The following ETV5 variants were observed in gnomAD, a reference collection of about 807,000 sequenced individuals.
ETV5 encodes ETS variant transcription factor 5.
ETV5 carries 10 observed loss-of-function variants against 70.0 expected under a neutral mutation model. That is an observed-to-expected ratio of 0.14 (90% CI 0.09 to 0.24). The LOEUF is 0.24. Among genes scored for constraint, ETV5 ranks in the 10% least tolerant of loss-of-function variants. The pLI, the probability that ETV5 is intolerant of heterozygous loss-of-function variation, is 1.00. For missense variants in ETV5, 453 were observed against 651.2 expected (o/e 0.70, Z 3.31); for synonymous variants, 216 against 242.2 (o/e 0.89, Z 1.01).
At position 186,047,779 on chromosome 3, in the gene ETV5, A is replaced by C. The variant is rs146951055; in HGVS notation, c.*860T>G. ...AAGGACACAGTGCACAGTTACCAAA[A>C]GGTTTGTTTTTGTTTTTTGTTTTTC... On this transcript the variant is annotated 3_prime_UTR_variant, in exon 13 of 13. Transcript: ENST00000306376. 1.5e-3 allele frequency: 296 copies of C among 200,000 alleles called. No homozygotes were observed. The highest frequency in any genetic ancestry group is 7.7e-3 in the African/African-American group (276 of 35,740). 12.4% of individuals were successfully genotyped at this position (200,000 alleles called of 1,614,324 possible).
At chr3:186,080,326 A>G (rs1713902771) in intron 6 of ETV5, among the ~76,000 whole-genome samples, 1 of 151,078 alleles carries the variant, frequency 6.6e-6, no homozygotes, top group Non-Finnish European at 1.5e-5. Flanking sequence ...ATTTTTCTCA[A>G]GGATAATTTT....
Position 186,071,742 on chromosome 3 carries a change from G to A in ETV5, c.651-5670C>T, listed in dbSNP as rs184797151. On this transcript the variant is annotated intron_variant, in intron 7 of 12. Transcript: ENST00000306376. ...GCTCGAGGCGGGCAGATCACCTTGTGAGTTCCTTACATGAGGTCGGGAGTT... is the reference window on the plus strand; with the variant it reads ...GCTCGAGGCGGGCAGATCACCTTGTAAGTTCCTTACATGAGGTCGGGAGTT... 4.6e-3 allele frequency among the ~76,000 whole-genome samples: 695 copies of A among 151,944 alleles called. 7 individuals are homozygous for A. Among genetic ancestry groups the A allele is most frequent in the African/African-American group, 0.015 (626 of 41,516 alleles).
chr3:186,066,014 C>T lies in ETV5; in HGVS notation c.709G>A (p.Gly237Arg), dbSNP rs1713434586. 6.2e-7 allele frequency: 1 copy of T among 1,610,498 alleles called. No homozygotes were observed. Among genetic ancestry groups the T allele is most frequent in the African/African-American group, 1.3e-5 (1 of 74,706 alleles). ...HPFPPQPGVP[G>R]DNRPSYHRQM... is the part of the protein sequence containing the mutation. ...CGATGGTAACTGGGGCGATTATCTC[C>T]AGGAACTCCTGGCTGAGGAGGGAAG... Residue 237 changes from glycine to arginine, a missense_variant, in exon 8 of 13, where the codon GGA becomes AGA. By Grantham distance (125) the Gly-to-Arg change is moderately radical (BLOSUM62 -2). Transcript: ENST00000306376.
Position 186,048,459 on chromosome 3 carries a change from C to T in ETV5, c.*180G>A. 2 of 609,844 alleles carry T rather than the reference C, an allele frequency of 3.3e-6. No homozygotes were observed. Among genetic ancestry groups the T allele is most frequent in the East Asian group, 2.8e-5 (1 of 35,700 alleles). 37.8% of individuals were successfully genotyped at this position (609,844 alleles called of 1,614,324 possible). ...GTGGTTTTCTGCCCCTCCCTGTTCC[C>T]ACTCCCCAGCCAATGTATCTGTCTT... On this transcript the variant is annotated 3_prime_UTR_variant, in exon 13 of 13. Coordinates refer to ENST00000306376, the MANE Select transcript of ETV5 (RefSeq NM_004454.3).
intron 5 of ETV5, among the ~76,000 whole-genome samples, chr3:186,081,714 T>C (rs1713938428): frequency 6.6e-6 from 1 of 152,210 alleles, no homozygotes; most frequent in Non-Finnish European, 1.5e-5. Context: ...CAGCAAGAAA[T>C]ACTCAACTTT....
chr3:186,047,790 TGTTTTTTGTTTTTC>T lies in ETV5; in HGVS notation c.*835_*848del, dbSNP rs1258928350. 6.8e-5 allele frequency: 11 copies of T among 161,052 alleles called. No homozygotes were observed. The highest frequency in any genetic ancestry group is 3.7e-4 in the African/African-American group (10 of 26,732). The allele number at this position is 161,052 out of a possible 1,614,324, so 10.0% of individuals were successfully genotyped here. A position where few individuals can be genotyped will look rare whatever the true frequency, so the allele number is the denominator to read the frequency against. ...GCACAGTTACCAAAAGGTTTGTTTT[TGTTTTTTGTTTTTC>T]GTTTTTTTGCTTTAAATACCAAAAC... is the stretch of plus-strand genomic sequence containing the variant. On this transcript the variant is annotated 3_prime_UTR_variant, in exon 13 of 13. Transcript: ENST00000306376.
intron 11 of ETV5, among the ~76,000 whole-genome samples, chr3:186,055,941 T>C (rs1200881695): frequency 6.6e-6 from 1 of 152,240 alleles, no homozygotes; most frequent in Non-Finnish European, 1.5e-5. Context: ...TTAATTTATA[T>C]GCCTAAGAAC....
intron 5 of ETV5, among the ~76,000 whole-genome samples, chr3:186,100,841 C>G (rs866085292): frequency 5.9e-5 from 9 of 152,112 alleles, no homozygotes; most frequent in Admixed American, 1.3e-4. Context: ...CTTAGTTATT[C>G]AAGATGCTAA....
intron 6 of ETV5, chr3:186,080,743 T>C: frequency 4.0e-6 from 1 of 247,884 alleles, no homozygotes; most frequent in East Asian, 5.9e-5. Context: ...GAAGTATATA[T>C]TACCTGCCTC....
chr3:186,057,572 T>G lies in ETV5; in HGVS notation c.971-81A>C. ...AAAACTATGGATTTAAGGACTAGAGTGCAATCCTATCATTTCAGATCCTAA... is the reference window on the plus strand; with the variant it reads ...AAAACTATGGATTTAAGGACTAGAGGGCAATCCTATCATTTCAGATCCTAA... On this transcript the variant is annotated intron_variant, in intron 9 of 12. Transcript: ENST00000306376. This position sits in a 1 kb window ranked among gnomAD's most constrained non-coding sequence, Gnocchi z 4.9. 1 of 1,175,888 alleles carries G rather than the reference T, an allele frequency of 8.5e-7. No individual in the cohort carries two copies. The highest frequency in any genetic ancestry group is 1.2e-5 in the South Asian group (1 of 80,996). The allele number at this position is 1,175,888 out of a possible 1,614,324, so 72.8% of individuals were successfully genotyped here.
chr3:186,051,149 C>A (rs1713019779), intron 12 of ETV5, among the ~76,000 whole-genome samples: 2 of 152,174 alleles, frequency 1.3e-5, no homozygotes, highest in African/African-American at 4.8e-5. Context: ...TCACAATGAG[C>A]TGTTGAGTAT....
intron 12 of ETV5, among the ~76,000 whole-genome samples, chr3:186,050,634 A>G (rs891508568): frequency 3.9e-5 from 6 of 152,092 alleles, no homozygotes; most frequent in Non-Finnish European, 7.4e-5. Flanking sequence ...AAAAAAGGAG[A>G]GGTAAGGTAG....
intron 5 of ETV5, among the ~76,000 whole-genome samples, chr3:186,099,920 C>T (rs185887502): frequency 3.4e-4 from 52 of 152,192 alleles, no homozygotes; most frequent in Admixed American, 7.9e-4. Context: ...TGACTAACAG[C>T]GCAGAGACAC....
chr3:186,056,217 A>G (rs1279406204), intron 11 of ETV5, among the ~76,000 whole-genome samples: 2 of 152,092 alleles, frequency 1.3e-5, no homozygotes, highest in Non-Finnish European at 2.9e-5. Flanking sequence ...TTTTTTTCCT[A>G]TTAAAATAAC....
chr3:186,103,211 T>C (rs1404280311), intron 5 of ETV5, among the ~76,000 whole-genome samples: 1 of 152,222 alleles, frequency 6.6e-6, no homozygotes, highest in Non-Finnish European at 1.5e-5. Flanking sequence ...TCTCCCAAAT[T>C]ACCTCCACTT....
chr3:186,051,991 G>A (rs1401909029), intron 12 of ETV5, 39 bp downstream of exon 12: 12 of 1,595,928 alleles, frequency 7.5e-6, no homozygotes, highest in Non-Finnish European at 9.4e-6. Context: ...TTCCTTAAAA[G>A]AGACCAGAGT....
chr3:186,074,826 A>G (rs916604934), intron 7 of ETV5, among the ~76,000 whole-genome samples: 2 of 139,850 alleles, frequency 1.4e-5, no homozygotes, highest in African/African-American at 5.4e-5. Context: ...GCGCCACTGC[A>G]CTCCAGCCTG....
At chr3:186,048,893 T>A in intron 12 of ETV5, 33 bp from the exon 13 acceptor site, 4 of 1,572,616 alleles carry the variant, frequency 2.5e-6, no homozygotes, top group Non-Finnish European at 3.5e-6. Context: ...CAGGGCCCAG[T>A]TGGAACAGGG....
chr3:186,072,114 C>T (rs1713655153), intron 7 of ETV5, among the ~76,000 whole-genome samples: 1 of 150,666 alleles, frequency 6.6e-6, no homozygotes, highest in African/African-American at 2.4e-5. Context: ...CCTGTAATCC[C>T]AGCACTTTGG....
Sources: allele counts gnomAD v4.1 joint callset (sites outside exome capture counted in the v4.1 genomes callset), GRCh38; gene constraint gnomAD v4.1.1; non-coding constraint Gnocchi (gnomAD v3.1); transcripts MANE v1.5; gene names NCBI Gene and HGNC (gene_info 2026-07-23, HGNC 2026-07-21).